HTT: variants seen among roughly 807,000 people sequenced by gnomAD.
HTT encodes huntingtin, also known as huntington disease protein.
In HTT, 104 loss-of-function variants were observed where a neutral mutation model predicts 362.3. The observed-to-expected ratio is 0.29, with a 90% confidence interval of 0.24 to 0.34. The LOEUF is 0.34. HTT is among the 10% of genes least tolerant of loss of function. The pLI is 1.00. For missense variants in HTT, 3,301 were observed against 3,928.6 expected, an observed-to-expected ratio of 0.84 and a Z score of 4.27; for synonymous variants, 1,577 against 1,548.7, an observed-to-expected ratio of 1.02 and a Z score of -0.43.
At chr4:3,086,786 C>G (rs1713230982) in intron 1 of HTT, among the ~76,000 whole-genome samples, 153 bp from the exon 2 acceptor site, 1 of 152,222 alleles carries the variant, frequency 6.6e-6, no homozygotes. Flanking sequence ...CCCTGTGCTT[C>G]CCTGTCCAGA....
At chr4:3,211,609 G>C (rs1398892928) in intron 47 of HTT, among the ~76,000 whole-genome samples, 2 of 152,108 alleles carry the variant, frequency 1.3e-5, no homozygotes, top group Non-Finnish European at 2.9e-5. Flanking sequence ...CTTTAGCTTT[G>C]ATTTTGTTTT....
intron 26 of HTT, among the ~76,000 whole-genome samples, chr4:3,151,351 GGAGAGAGAGAGAGAGACA>G (rs1031770783): frequency 1.7e-4 from 26 of 150,978 alleles, no homozygotes; most frequent in Middle Eastern, 3.2e-3. Context: ...AAAGAGAGAA[GGAGAGAGAGAGAGAGACA>G]GAGAGAGAGA....
At chr4:3,163,743 T>C (rs1717560534) in intron 29 of HTT, among the ~76,000 whole-genome samples, 2 of 152,234 alleles carry the variant, frequency 1.3e-5, no homozygotes, top group Non-Finnish European at 2.9e-5. Context: ...TGGTAGTTTG[T>C]ATTTCTGTGG....
chr4:3,136,176 T>G, intron 20 of HTT, 50 bp from the exon 21 acceptor site: 1 of 1,302,214 alleles, frequency 7.7e-7, no homozygotes, highest in African/African-American at 1.5e-5. Context: ...TTACCTAAAA[T>G]TTAGTCAAAT....
intron 26 of HTT, among the ~76,000 whole-genome samples, chr4:3,149,995 A>G (rs1013663136): frequency 2.6e-5 from 4 of 151,860 alleles, no homozygotes; most frequent in African/African-American, 7.3e-5. Context: ...TGCTACCCCC[A>G]TCTTGAGTGT....
chr4:3,187,858 A>C lies in HTT; in HGVS notation c.5197A>C (p.Lys1733Gln), dbSNP rs780381130. 5.0e-6 allele frequency: 8 copies of C among 1,612,114 alleles called. No homozygotes were observed. The highest frequency in any genetic ancestry group is 6.8e-6 in the Non-Finnish European group (8 of 1,178,514). The change falls in exon 39 of 67, where the codon AAG becomes CAG. Residue 1733 changes from lysine (K) to glutamine (Q), a missense_variant. Physicochemically the swap from Lys to Gln is moderately conservative, Grantham distance 53. Coordinates refer to ENST00000355072, the MANE Select transcript of HTT (RefSeq NM_001388492.1). ...LEEHSEGKQI[K>Q]NLPEETFSRF... ...AGAACACAGTGAAGGGAAACAAATAAAGAATTTGCCAGAAGAAACATTTTC... is the reference window on the plus strand; with the variant it reads ...AGAACACAGTGAAGGGAAACAAATACAGAATTTGCCAGAAGAAACATTTTC...
chr4:3,094,600 C>T (rs1446165012), intron 2 of HTT, among the ~76,000 whole-genome samples: 34 of 144,746 alleles, frequency 2.3e-4, no homozygotes, highest in African/African-American at 5.5e-4. Context: ...CACCACCTCC[C>T]GGACGGGGCG....
chr4:3,133,138 T>C (rs1715899921), intron 18 of HTT, among the ~76,000 whole-genome samples: 2 of 152,144 alleles, frequency 1.3e-5, no homozygotes, highest in Admixed American at 6.6e-5. Context: ...TTGTTTGAAA[T>C]AGACCTCTTC....
intron 59 of HTT, 88 bp from the exon 60 acceptor site, chr4:3,229,799 G>A (rs930375099): frequency 5.1e-6 from 7 of 1,378,434 alleles, no homozygotes; most frequent in East Asian, 4.6e-5. Flanking sequence ...GTAAGAACAC[G>A]ACTTGCCAGT....
intron 35 of HTT, among the ~76,000 whole-genome samples, chr4:3,179,904 T>C (rs1404493508): frequency 6.6e-6 from 1 of 151,558 alleles, no homozygotes; most frequent in Admixed American, 6.6e-5. Context: ...GGGGTCAGTG[T>C]TCCTATGTGC....
chr4:3,236,127 G>A (rs370507011), intron 63 of HTT, 22 bp from the exon 64 acceptor site: 102 of 1,570,748 alleles, frequency 6.5e-5, no homozygotes, highest in South Asian at 1.3e-4. Context: ...GGTAACCTTC[G>A]TACTGAACAC....
At chr4:3,140,052 A>G (rs1041507151) in intron 21 of HTT, among the ~76,000 whole-genome samples, 5 of 152,154 alleles carry the variant, frequency 3.3e-5, no homozygotes, top group Non-Finnish European at 7.3e-5. Context: ...CAGGAGTTCA[A>G]GAGTTCAAGA....
chr4:3,075,555 C>G (rs1034371715), intron 1 of HTT, among the ~76,000 whole-genome samples: 69 of 149,630 alleles, frequency 4.6e-4, no homozygotes, highest in African/African-American at 1.5e-3. Context: ...GGGCGCGGGA[C>G]ACTTCGAGAG....
chr4:3,187,584 G>A, intron 38 of HTT, 67 bp from the exon 39 acceptor site: 1 of 1,101,372 alleles, frequency 9.1e-7, no homozygotes, highest in Non-Finnish European at 1.4e-6. Flanking sequence ...TCACAAAATT[G>A]GCAATTGGGG....
chr4:3,217,479 T>C (rs1241450668), intron 51 of HTT, among the ~76,000 whole-genome samples: 2 of 152,226 alleles, frequency 1.3e-5, no homozygotes, highest in Non-Finnish European at 2.9e-5. Flanking sequence ...GGCTTCCAGC[T>C]GTCACAGGCT....
chr4:3,172,425 GT>G, intron 30 of HTT, 28 bp downstream of exon 30: 1 of 1,466,576 alleles, frequency 6.8e-7, no homozygotes, highest in Non-Finnish European at 9.6e-7. Flanking sequence ...TTCCTCTTCT[GT>G]TAAGACGTTC....
chr4:3,212,731 C>T (rs746181742), intron 49 of HTT, 22 bp downstream of exon 49: 1 of 1,613,762 alleles, frequency 6.2e-7, no homozygotes, highest in South Asian at 1.1e-5. Context: ...CTCGGGAGCT[C>T]AGTGTTGCTG....
intron 60 of HTT, among the ~76,000 whole-genome samples, chr4:3,232,323 A>G (rs551657137): frequency 1.3e-5 from 2 of 152,152 alleles, no homozygotes; most frequent in Non-Finnish European, 2.9e-5. Context: ...TCATCATTCC[A>G]CAAAAACAAG....
In HTT at chr4:3,116,107, T is replaced by C. The variant is rs774359928; in HGVS notation, c.912T>C (p.Asp304=). The C allele has an allele frequency of 6.2e-7, 1 of 1,612,300 alleles. No homozygotes were observed. Among genetic ancestry groups the C allele is most frequent in the Non-Finnish European group, 8.5e-7 (1 of 1,179,206 alleles). Residue 304 remains aspartate, a synonymous_variant, in exon 8 of 67, where the codon GAT becomes GAC. Transcript: ENST00000355072. ...CAGGCTTACTCGTTCCTGTCGAGGA[T>C]GAACACTCCACTCTGCTGATTCTTG... is the stretch of plus-strand genomic sequence containing the variant. ...VLLGLLVPVE[D]EHSTLLILGV... is the part of the protein sequence containing the mutation.
Sources: gnomAD v4.1 joint callset for allele counts (sites outside exome capture counted in the v4.1 genomes callset) on GRCh38, gnomAD v4.1.1 for gene constraint, MANE v1.5 for transcripts, NCBI Gene and HGNC (gene_info 2026-07-23, HGNC 2026-07-21) for gene names.